Variants in PUSL1 observed in about 807,000 individuals in gnomAD.
PUSL1 encodes pseudouridine synthase like 1.
In PUSL1, 51 loss-of-function variants were observed where a neutral mutation model predicts 30.7. That is an observed-to-expected ratio of 1.66 (90% CI 1.33 to 2.10). PUSL1 has a LOEUF of 2.10. Ranked by LOEUF, PUSL1 falls within the 30% of genes most tolerant of loss-of-function variation. The pLI, the probability that PUSL1 is intolerant of heterozygous loss-of-function variation, is 0.00. For synonymous variants in PUSL1, 290 were observed against 192.1 expected, an observed-to-expected ratio of 1.51 and a Z score of -4.21; for missense variants, 609 against 427.6, an observed-to-expected ratio of 1.42 and a Z score of -3.74.
In PUSL1 at chr1:1,311,351, A is replaced by T; in HGVS notation, c.884A>T (p.Gln295Leu). Residue 295 changes from glutamine (Q) to leucine (L), a missense_variant, in exon 8 of 8, where the codon CAG becomes CTG. Physicochemically the swap from Gln to Leu is moderately radical, Grantham distance 113 (BLOSUM62 -2). Coordinates refer to ENST00000379031, the MANE Select transcript of PUSL1 (RefSeq NM_153339.3). ...GNLGAASCTL[Q>L]GPQFGSHG ...ACAGGTGCTGCCTCCTGCACCCTGC[A>T]GGGGCCACAGTTCGGGAGCCACGGA... is the stretch of plus-strand genomic sequence containing the variant. The T allele has an allele frequency of 6.3e-7, 1 of 1,593,602 alleles. No homozygotes were observed.
At position 1,311,386 on chromosome 1, in the gene PUSL1, A is replaced by G; in HGVS notation, c.*7A>G. 1 of 1,602,362 alleles carries G rather than the reference A, an allele frequency of 6.2e-7. No homozygotes were observed. On this transcript the variant is annotated 3_prime_UTR_variant, in exon 8 of 8. Coordinates refer to ENST00000379031, the MANE Select transcript of PUSL1 (RefSeq NM_153339.3). ...GTTCGGGAGCCACGGATGACCCTGG[A>G]CACTCAAGCCAAAGTTAGGCCACAC...
intron 5 of PUSL1, 45 bp from the exon 6 acceptor site, chr1:1,310,589 G>T: frequency 7.0e-7 from 1 of 1,424,734 alleles, no homozygotes; most frequent in South Asian, 1.3e-5. Flanking sequence ...GGCTGAGGAT[G>T]GCAAACACTG....
In PUSL1 at chr1:1,309,534, C is replaced by A. The variant is rs758908093; in HGVS notation, c.404C>A (p.Ala135Asp). The A allele has an allele frequency of 6.2e-7, 1 of 1,611,136 alleles. No individual in the cohort carries two copies. The highest frequency in any genetic ancestry group is 2.2e-5 in the East Asian group (1 of 44,850). The stretch of plus-strand genomic sequence containing the variant: ...TCCCGGACCTACCTGTACCGCCTGG[C>A]CACTGGCTGTCACCGGCGTGATGAG... ...ATSRTYLYRL[A>D]TGCHRRDELP... Residue 135 changes from alanine (A) to aspartate (D), a missense_variant, in exon 4 of 8, where the codon GCC (alanine) becomes GAC (aspartate). By Grantham distance (126) the Ala-to-Asp change is moderately radical. Transcript: ENST00000379031.
In PUSL1 at chr1:1,308,780, G is replaced by A. The variant is rs1012916518; in HGVS notation, c.77+60G>A. The A allele has an allele frequency of 2.1e-6, 3 of 1,457,594 alleles. No individual in the cohort carries two copies. The South Asian group carries it at 3.9e-5, about 19-fold the overall frequency. The allele number at this position is 1,457,594 out of a possible 1,614,324, so 90.3% of individuals were successfully genotyped here. ...GGGCCCGGGCGGAGGCGGGAAGGAG[G>A]GCGCGGGCGGGCAGGCGGATGTCTC... On this transcript the variant is annotated intron_variant, in intron 1 of 7. Transcript: ENST00000379031.
chr1:1,311,382 CT>C lies in PUSL1; in HGVS notation c.*4del, dbSNP rs369211336. 27 of 1,602,484 alleles carry C rather than the reference CT, an allele frequency of 1.7e-5. No individual in the cohort carries two copies. The African/African-American group carries it at 3.1e-4, about 18-fold the overall frequency. ...CACAGTTCGGGAGCCACGGATGACC[CT>C]GGACACTCAAGCCAAAGTTAGGCCA... On this transcript the variant is annotated 3_prime_UTR_variant, in exon 8 of 8. Transcript: ENST00000379031.
chr1:1,309,638 C>T, intron 4 of PUSL1, 35 bp downstream of exon 4: 2 of 1,596,758 alleles, frequency 1.3e-6, no homozygotes, highest in Non-Finnish European at 8.6e-7. Context: ...AGGGGGCGGG[C>T]AGGCCGGCCC....
At position 1,310,689 on chromosome 1, in the gene PUSL1, G is replaced by A. The variant is rs199905701; in HGVS notation, c.699+1G>A. On this transcript the variant is annotated splice_donor_variant, in intron 6 of 7. Coordinates refer to ENST00000379031, the MANE Select transcript of PUSL1 (RefSeq NM_153339.3). LOFTEE classifies it high-confidence loss of function. ...GAGCCAGTCTTTCCTGTATAGACAGGTAGGCTCTGTTCTGGGGCCGTCCCC... is the reference window on the plus strand; with the variant it reads ...GAGCCAGTCTTTCCTGTATAGACAGATAGGCTCTGTTCTGGGGCCGTCCCC... 390 of 1,609,194 alleles carry A rather than the reference G, an allele frequency of 2.4e-4. No homozygotes were observed. Among genetic ancestry groups the A allele is most frequent in the Non-Finnish European group, 3.2e-4 (374 of 1,177,258 alleles).
At chr1:1,311,188 C>G in intron 7 of PUSL1, 117 bp downstream of exon 7, 2 of 1,422,212 alleles carry the variant, frequency 1.4e-6, no homozygotes, top group Non-Finnish European at 1.9e-6. Context: ...AGCAGCCCCC[C>G]GCCCAGGGCT....
rs148995795 is a variant in PUSL1 at position 1,309,727 on chromosome 1, G to A, written c.520G>A (p.Gly174Ser). The A allele has an allele frequency of 6.3e-6, 10 of 1,599,214 alleles. No homozygotes were observed. In the African/African-American group the frequency reaches 6.7e-5, roughly 11 times the overall value. ...GCAGGAAGCCGCCCAGCACCTCCTCGGCACACACGACTTCAGCGCCTTCCA... is the reference window on the plus strand; with the variant it reads ...GCAGGAAGCCGCCCAGCACCTCCTCAGCACACACGACTTCAGCGCCTTCCA... ...AMQEAAQHLL[G>S]THDFSAFQSA... The change falls in exon 5 of 8, where the codon GGC becomes AGC. Residue 174 changes from glycine to serine, a missense_variant. By Grantham distance (56) the Gly-to-Ser change is moderately conservative. Transcript: ENST00000379031.
intron 5 of PUSL1, 33 bp from the exon 6 acceptor site, chr1:1,310,601 C>G: frequency 5.4e-6 from 8 of 1,488,228 alleles, no homozygotes; most frequent in Non-Finnish European, 7.3e-6. Context: ...CAAACACTGC[C>G]CCACAGACAC....
Position 1,311,601 on chromosome 1 carries a change from C to G in PUSL1, c.*222C>G, listed in dbSNP as rs1180011275. ...CACCAAGAAGAGAGTACCAAGTAGT[C>G]TTTTGTTCAGCTTTTACTGGAAACT... is the stretch of plus-strand genomic sequence containing the variant. On this transcript the variant is annotated 3_prime_UTR_variant, in exon 8 of 8. Transcript: ENST00000379031. The G allele has an allele frequency of 1.4e-6, 1 of 717,514 alleles. No homozygotes were observed. The highest frequency in any genetic ancestry group is 1.7e-5 in the African/African-American group (1 of 57,506). 44.4% of individuals were successfully genotyped at this position (717,514 alleles called of 1,614,324 possible). A position where few individuals can be genotyped will look rare whatever the true frequency, so the allele number is the denominator to read the frequency against.
In PUSL1 at chr1:1,309,189, T is replaced by C. The variant is rs1641944312; in HGVS notation, c.239T>C (p.Val80Ala). ...HALSNAAHLD[V>A]QRRSGRPPFP... ...CTGAGCAACGCGGCGCACCTGGACG[T>C]CCAGCGCCGCTCAGGCCGGCCGCCC... is the stretch of plus-strand genomic sequence containing the variant. The change falls in exon 3 of 8, where the codon GTC (valine) becomes GCC (alanine). Residue 80 changes from valine (V) to alanine (A), a missense_variant. Transcript: ENST00000379031. 1.3e-6 allele frequency: 2 copies of C among 1,539,382 alleles called. No individual in the cohort carries two copies. Among genetic ancestry groups the C allele is most frequent in the African/African-American group, 2.7e-5 (2 of 72,756 alleles).
chr1:1,309,826 C>T lies in PUSL1; in HGVS notation c.619C>T (p.Pro207Ser). Residue 207 changes from proline (P) to serine (S), a missense_variant, in exon 5 of 8, where the codon CCC (proline) becomes TCC (serine). By Grantham distance (74) the Pro-to-Ser change is moderately conservative (BLOSUM62 -1). Coordinates refer to ENST00000379031, the MANE Select transcript of PUSL1 (RefSeq NM_153339.3). ...RVSVSPGQASPLVTPEESRKL... is the reference protein window; with the variant it reads ...RVSVSPGQASSLVTPEESRKL... The stretch of plus-strand genomic sequence containing the variant: ...CTCCGTTTCCCCAGGCCAAGCCAGC[C>T]CCTTGGTCACCCCCGAGGAGAGCAG... 6.5e-7 allele frequency: 1 copy of T among 1,542,100 alleles called. No homozygotes were observed. Among genetic ancestry groups the T allele is most frequent in the Non-Finnish European group, 8.8e-7 (1 of 1,141,254 alleles).
intron 6 of PUSL1, 82 bp downstream of exon 6, chr1:1,310,770 G>C (rs950082346): frequency 6.8e-6 from 11 of 1,610,138 alleles, no homozygotes; most frequent in Non-Finnish European, 8.5e-6. Context: ...CTGGGTCGTG[G>C]GCGGCTCTGG....
At chr1:1,309,045 C>A (rs756029268) in intron 2 of PUSL1, 41 bp from the exon 3 acceptor site, 12 of 1,396,860 alleles carry the variant, frequency 8.6e-6, no homozygotes, top group Non-Finnish European at 1.1e-5. Flanking sequence ...CCCCGGGGTC[C>A]GGCCTCGCTC....
chr1:1,310,548 C>A, intron 5 of PUSL1, 86 bp from the exon 6 acceptor site: 1 of 1,093,412 alleles, frequency 9.1e-7, no homozygotes. Context: ...TAGGCCCACC[C>A]TGTCACTCTC....
Position 1,309,786 on chromosome 1 carries a change from A to AAC in PUSL1, c.580_581dup (p.Leu195ArgfsTer44), listed in dbSNP as rs1465038077. On this transcript the variant is annotated frameshift_variant, in exon 5 of 8. Coordinates refer to ENST00000379031, the MANE Select transcript of PUSL1 (RefSeq NM_153339.3). LOFTEE classifies it high-confidence loss of function. ...GCAGCCCGGTGCCGAGCCCCGTGCG[A>AAC]ACGCTGCGCCGGGTCTCCGTTTCCC... 3 of 1,560,956 alleles carry AAC rather than the reference A, an allele frequency of 1.9e-6. No individual in the cohort carries two copies. In the African/African-American group the frequency reaches 4.1e-5, roughly 21 times the overall value.
Position 1,309,169 on chromosome 1 carries a change from C to T in PUSL1, c.219C>T (p.Ser73=), listed in dbSNP as rs1417479846. 2 of 1,536,356 alleles carry T rather than the reference C, an allele frequency of 1.3e-6. No homozygotes were observed. The highest frequency in any genetic ancestry group is 1.4e-5 in the African/African-American group (1 of 72,578). The part of the protein sequence containing the change: ...SRTDAGVHAL[S]NAAHLDVQRR... Reference sequence around the variant, plus strand: ...CGGACGCCGGGGTCCACGCCCTGAGCAACGCGGCGCACCTGGACGTCCAGC... The same window carrying T: ...CGGACGCCGGGGTCCACGCCCTGAGTAACGCGGCGCACCTGGACGTCCAGC... The change falls in exon 3 of 8, where the codon AGC becomes AGT. Residue 73 remains serine (S), a synonymous_variant. Transcript: ENST00000379031.
In PUSL1 at chr1:1,309,103, G is replaced by T. The variant is rs1016988497; in HGVS notation, c.153G>T (p.Leu51=). 1 of 1,507,076 alleles carries T rather than the reference G, an allele frequency of 6.6e-7. No homozygotes were observed. The highest frequency in any genetic ancestry group is 1.4e-5 in the African/African-American group (1 of 69,820). 93.4% of individuals were successfully genotyped at this position (1,507,076 alleles called of 1,614,324 possible). A position where few individuals can be genotyped will look rare whatever the true frequency, so the allele number is the denominator to read the frequency against. ...QNYLEEAAER[L]NSVEPVRFTI... ...TCCTGCAGGAGGCCGCCGAGCGGCT[G>T]AATTCCGTGGAGCCGGTCAGGTTCA... The change falls in exon 3 of 8, where the codon CTG becomes CTT. Residue 51 remains leucine (L), a synonymous_variant. Transcript: ENST00000379031.
Sources: allele counts gnomAD v4.1 joint callset, GRCh38; gene constraint gnomAD v4.1.1; transcripts MANE v1.5; gene names NCBI Gene and HGNC (gene_info 2026-07-23, HGNC 2026-07-21).